RBFOX1: variants seen among roughly 807,000 people sequenced by gnomAD.
RBFOX1 encodes the protein RNA binding protein fox-1 homolog 1.
In RBFOX1, 8 loss-of-function variants were observed where a neutral mutation model predicts 57.7. That is an observed-to-expected ratio of 0.14 (90% CI 0.08 to 0.25). The LOEUF (loss-of-function observed/expected upper bound fraction) is 0.25. Ranked by LOEUF, RBFOX1 falls within the 10% of genes least tolerant of loss-of-function variation. RBFOX1 has a pLI of 1.00. For synonymous variants in RBFOX1, 326 were observed against 222.4 expected (o/e 1.47, Z -4.15); for missense variants, 611 against 548.5 (o/e 1.11, Z -1.14).
chr16:6,362,758 G>C (rs955431804), intron 2 of RBFOX1, among the ~76,000 whole-genome samples: 3 of 152,138 alleles, frequency 2.0e-5, no homozygotes, highest in African/African-American at 4.8e-5. Flanking sequence ...GGAGATGGAT[G>C]GCTTATTTTT....
chr16:5,360,099 T>C (rs1193854313), intron 1 of RBFOX1, among the ~76,000 whole-genome samples: 7 of 152,222 alleles, frequency 4.6e-5, no homozygotes, highest in Admixed American at 4.6e-4. Flanking sequence ...TAAATCACTG[T>C]CCTGTTCCTT....
At chr16:5,951,383 G>C (rs893029187) in intron 4 of RBFOX1, among the ~76,000 whole-genome samples, 4 of 152,142 alleles carry the variant, frequency 2.6e-5, no homozygotes, top group Admixed American at 1.3e-4. Context: ...GGGAGGCAGA[G>C]GTTGCACAGA....
chr16:7,496,678 A>T (rs1340694670), intron 4 of RBFOX1, among the ~76,000 whole-genome samples: 1 of 123,988 alleles, frequency 8.1e-6, no homozygotes, highest in Non-Finnish European at 1.7e-5. Context: ...AACAATGTAA[A>T]CCTTAACAAA....
intron 1 of RBFOX1, among the ~76,000 whole-genome samples, chr16:6,021,276 C>G (rs1040830944): frequency 5.9e-5 from 9 of 152,100 alleles, no homozygotes; most frequent in African/African-American, 2.2e-4. Flanking sequence ...AGGACATGCC[C>G]CAGCCTGCCA....
intron 4 of RBFOX1, among the ~76,000 whole-genome samples, chr16:7,217,237 G>GA (rs2092256918): frequency 6.6e-6 from 1 of 150,540 alleles, no homozygotes; most frequent in African/African-American, 2.4e-5. Context: ...GAGTAGCTGG[G>GA]ACTACAGGTG....
At chr16:6,648,744 C>G (rs2098553529) in intron 2 of RBFOX1, among the ~76,000 whole-genome samples, 1 of 152,164 alleles carries the variant, frequency 6.6e-6, no homozygotes, top group South Asian at 2.1e-4. Context: ...CAGAAGCAGA[C>G]AGAGAGCTGC....
intron 4 of RBFOX1, among the ~76,000 whole-genome samples, chr16:7,157,358 T>C (rs1295110634): frequency 1.3e-5 from 2 of 152,006 alleles, no homozygotes; most frequent in Non-Finnish European, 2.9e-5. Flanking sequence ...CCATTTCAAT[T>C]TGGCAATAAA....
Position 5,666,576 on chromosome 16 carries a change from A to G in RBFOX1, c.318+67615A>G, listed in dbSNP as rs1596659056. ...AGATGATATATTAAATACGTACCTAAGCCAACAGTGTACTTAAAGACTGTG... is the reference window on the plus strand; with the variant it reads ...AGATGATATATTAAATACGTACCTAGGCCAACAGTGTACTTAAAGACTGTG... On this transcript the variant is annotated intron_variant, in intron 3 of 19. Transcript: ENST00000641259. 2.6e-5 allele frequency among the ~76,000 whole-genome samples: 4 copies of G among 152,338 alleles called. No individual in the cohort carries two copies. The South Asian group carries it at 8.3e-4, about 32-fold the overall frequency.
At chr16:5,847,814 A>C (rs575197313) in intron 3 of RBFOX1, among the ~76,000 whole-genome samples, 144 of 152,156 alleles carry the variant, frequency 9.5e-4, no homozygotes, top group African/African-American at 3.3e-3. Context: ...TGAAATGAAG[A>C]CTGTAGGGTG....
intron 3 of RBFOX1, among the ~76,000 whole-genome samples, chr16:7,046,484 A>C (rs748627476): frequency 6.6e-6 from 1 of 152,076 alleles, no homozygotes; most frequent in Non-Finnish European, 1.5e-5. Context: ...TTAAAATATC[A>C]AGTTCAATAC....
intron 2 of RBFOX1, among the ~76,000 whole-genome samples, chr16:6,610,678 T>C (rs1336883626): frequency 6.6e-6 from 1 of 152,186 alleles, no homozygotes; most frequent in African/African-American, 2.4e-5. Flanking sequence ...GCTTCATATA[T>C]GTGAAGAAAC....
At chr16:6,690,281 G>A (rs1427272265) in intron 3 of RBFOX1, among the ~76,000 whole-genome samples, 3 of 152,064 alleles carry the variant, frequency 2.0e-5, no homozygotes, top group Non-Finnish European at 2.9e-5. Flanking sequence ...AGGATGTGGA[G>A]AAACAATGAT....
At chr16:5,384,714 C>G (rs1295793065) in intron 1 of RBFOX1, among the ~76,000 whole-genome samples, 1 of 152,148 alleles carries the variant, frequency 6.6e-6, no homozygotes, top group African/African-American at 2.4e-5. Flanking sequence ...AGGAGGTTCT[C>G]AGGGGTTGGG....
At chr16:5,363,031 C>CTTTTTTTT (rs35426149) in intron 1 of RBFOX1, among the ~76,000 whole-genome samples, 1 of 95,420 alleles carries the variant, frequency 1.0e-5, no homozygotes, top group Non-Finnish European at 2.0e-5. Flanking sequence ...GATTTTAATT[C>CTTTTTTTT]TTTTTTTTTT....
intron 1 of RBFOX1, among the ~76,000 whole-genome samples, chr16:6,211,942 C>T (rs1232316166): frequency 2.6e-5 from 4 of 151,924 alleles, no homozygotes; most frequent in Non-Finnish European, 5.9e-5. Context: ...CTCTGCCTCC[C>T]AGGTTCAAGT....
intron 2 of RBFOX1, among the ~76,000 whole-genome samples, chr16:5,564,143 G>A (rs1301619733): frequency 6.6e-6 from 1 of 152,060 alleles, no homozygotes; most frequent in East Asian, 1.9e-4. Context: ...CATCCAGATA[G>A]CTGAGATTAT....
intron 2 of RBFOX1, among the ~76,000 whole-genome samples, chr16:6,337,793 A>T (rs954459674): frequency 6.6e-6 from 1 of 152,232 alleles, no homozygotes; most frequent in Non-Finnish European, 1.5e-5. Flanking sequence ...AAATTTTTCC[A>T]CGTTGAGACG....
chr16:5,950,317 C>T (rs931847429), intron 4 of RBFOX1, among the ~76,000 whole-genome samples: 1 of 152,218 alleles, frequency 6.6e-6, no homozygotes, highest in Non-Finnish European at 1.5e-5. Flanking sequence ...CTGCCATGGG[C>T]TGATATTGAG....
chr16:5,264,238 A>G (rs1397683542), intron 1 of RBFOX1, among the ~76,000 whole-genome samples: 4 of 152,116 alleles, frequency 2.6e-5, no homozygotes, highest in African/African-American at 7.2e-5. Flanking sequence ...GATGATGAAG[A>G]TCAAGGGGCA....
Sources: allele counts gnomAD v4.1 joint callset (sites outside exome capture counted in the v4.1 genomes callset), GRCh38; gene constraint gnomAD v4.1.1; transcripts MANE v1.5; gene names NCBI Gene and HGNC (gene_info 2026-07-23, HGNC 2026-07-21).